Variants in AAAS observed in about 807,000 individuals in gnomAD.
AAAS encodes the protein aladin.
Under a neutral mutation model 75.6 loss-of-function variants are expected in AAAS, and 60 were observed. That is an observed-to-expected ratio of 0.79 (90% CI 0.64 to 0.98). The LOEUF (loss-of-function observed/expected upper bound fraction) is 0.98. Ranked by LOEUF, AAAS falls within the 50% of genes least tolerant of loss-of-function variation. The pLI, the probability that AAAS is intolerant of heterozygous loss-of-function variation, is 0.00. For missense variants in AAAS, 658 were observed against 686.9 expected (o/e 0.96, Z 0.47); for synonymous variants, 271 against 265.0 (o/e 1.02, Z -0.22).
rs376020885 is a variant in AAAS at position 53,315,657 on chromosome 12, G to T, written c.307+70C>A. The T allele has an allele frequency of 1.2e-4, 181 of 1,560,892 alleles. 1 individual carries two copies. In the African/African-American group the frequency reaches 1.9e-3, roughly 16 times the overall value. ...AAAGAGGCTGAGCCAACAGGTGTCG[G>T]GGGTGAGTTCAAGAATATGGAGAGG... On this transcript the variant is annotated intron_variant, in intron 3 of 15. Coordinates refer to ENST00000209873, the MANE Select transcript of AAAS (RefSeq NM_015665.6).
intron 7 of AAAS, 158 bp from the exon 8 acceptor site, chr12:53,309,879 G>T: frequency 1.8e-5 from 20 of 1,097,328 alleles, no homozygotes; most frequent in East Asian, 3.0e-5. Context: ...AAAGTTAAAA[G>T]AAAAAAACAG....
At chr12:53,317,290 G>A (rs1211621029) in intron 2 of AAAS, among the ~76,000 whole-genome samples, 1 of 152,056 alleles carries the variant, frequency 6.6e-6, no homozygotes, top group African/African-American at 2.4e-5. Context: ...AGGTGCGGTG[G>A]CTCACACCTG....
chr12:53,315,179 A>C (rs1225287687), intron 4 of AAAS, 39 bp from the exon 5 acceptor site: 1 of 1,612,624 alleles, frequency 6.2e-7, no homozygotes, highest in Admixed American at 1.7e-5. Context: ...ACTGGGGCAA[A>C]AGGAGTCCAT....
intron 2 of AAAS, among the ~76,000 whole-genome samples, chr12:53,319,435 C>A (rs1467799234): frequency 7.2e-5 from 11 of 152,180 alleles, no homozygotes; most frequent in African/African-American, 2.7e-4. Context: ...TAAGCTCAAG[C>A]AATCTGCTGG....
At position 53,315,319 on chromosome 12, in the gene AAAS, A is replaced by T. The variant is rs754755956; in HGVS notation, c.399+16T>A. 1 of 1,613,722 alleles carries T rather than the reference A, an allele frequency of 6.2e-7. No individual in the cohort carries two copies. Among genetic ancestry groups the T allele is most frequent in the South Asian group, 1.1e-5 (1 of 91,070 alleles). Reference sequence around the variant, plus strand: ...ACACAGCAAATGCAGAGGGCTGGGGAGGAAGCCAAACTTACAGACAGATGG... The same window carrying T: ...ACACAGCAAATGCAGAGGGCTGGGGTGGAAGCCAAACTTACAGACAGATGG... On this transcript the variant is annotated intron_variant, in intron 4 of 15. Coordinates refer to ENST00000209873, the MANE Select transcript of AAAS (RefSeq NM_015665.6).
chr12:53,316,601 A>G (rs1944466005), intron 2 of AAAS, among the ~76,000 whole-genome samples: 1 of 151,256 alleles, frequency 6.6e-6, no homozygotes, highest in African/African-American at 2.4e-5. Context: ...ACATGTTGAA[A>G]AATATGAAAA....
At chr12:53,321,178 C>T in intron 1 of AAAS, 165 bp downstream of exon 1, 1 of 1,092,864 alleles carries the variant, frequency 9.2e-7, no homozygotes, top group Non-Finnish European at 1.3e-6. Context: ...TACTCCAATC[C>T]CAGTCCTAAA....
chr12:53,317,417 T>G (rs1246577256), intron 2 of AAAS, among the ~76,000 whole-genome samples: 1 of 151,266 alleles, frequency 6.6e-6, no homozygotes, highest in Non-Finnish European at 1.5e-5. Context: ...ATTAGCCAGG[T>G]GTGGTGGTGG....
chr12:53,310,382 A>G (rs1338418084), intron 7 of AAAS, among the ~76,000 whole-genome samples: 3 of 152,028 alleles, frequency 2.0e-5, no homozygotes, highest in Non-Finnish European at 4.4e-5. Context: ...ACATGGTGAA[A>G]CCCCGTCTCT....
At chr12:53,320,744 T>C (rs1172345409) in intron 1 of AAAS, 52 bp from the exon 2 acceptor site, 6 of 1,605,410 alleles carry the variant, frequency 3.7e-6, no homozygotes, top group Non-Finnish European at 5.1e-6. Context: ...TTCCCAAATC[T>C]TTAATTCCGT....
intron 2 of AAAS, among the ~76,000 whole-genome samples, chr12:53,319,813 AAAAAAAAAAAAAG>A (rs1291105509): frequency 6.7e-5 from 9 of 133,766 alleles, no homozygotes; most frequent in East Asian, 2.2e-4. Flanking sequence ...AAAAAAAAAA[AAAAAAAAAAAAAG>A]AAAAAGAAAA....
At chr12:53,310,818 A>C (rs973572657) in intron 7 of AAAS, among the ~76,000 whole-genome samples, 94 of 152,270 alleles carry the variant, frequency 6.2e-4, no homozygotes, top group African/African-American at 2.2e-3. Flanking sequence ...CTGCCTTTGC[A>C]GGTGGGTTCA....
chr12:53,320,699 C>A lies in AAAS; in HGVS notation c.124-7G>T. The A allele has an allele frequency of 6.2e-7, 1 of 1,613,988 alleles. No homozygotes were observed. Among genetic ancestry groups the A allele is most frequent in the Non-Finnish European group, 8.5e-7 (1 of 1,179,922 alleles). On this transcript the variant is annotated splice_polypyrimidine_tract_variant and splice_region_variant and intron_variant, in intron 1 of 15. Coordinates refer to ENST00000209873, the MANE Select transcript of AAAS (RefSeq NM_015665.6). ...GGACAGGAAGATTGATCCACTATAG[C>A]ACAAAAGTGAGGAGTGTGACGGTGA...
intron 2 of AAAS, among the ~76,000 whole-genome samples, chr12:53,319,353 C>A (rs1419201765): frequency 6.6e-6 from 1 of 152,108 alleles, no homozygotes; most frequent in Non-Finnish European, 1.5e-5. Context: ...CCATACCCAG[C>A]TAATTTTTGT....
At chr12:53,318,241 T>TGTGTGTGTGC (rs903895069) in intron 2 of AAAS, among the ~76,000 whole-genome samples, 27 of 131,468 alleles carry the variant, frequency 2.1e-4, no homozygotes, top group Admixed American at 3.9e-4. Flanking sequence ...TGTGTGTGTG[T>TGTGTGTGTGC]GTGCGTGTGT....
rs777918319 is a variant in AAAS at position 53,321,414 on chromosome 12, G to A, written c.52C>T (p.Leu18=). ...ACCAGCTCGTTATTGTGCTCATATAGGGTGACTTGACCCCGAGGCGGTGGA... is the reference window on the plus strand; with the variant it reads ...ACCAGCTCGTTATTGTGCTCATATAAGGTGACTTGACCCCGAGGCGGTGGA... The part of the protein sequence containing the change: ...PPPPPRGQVT[L]YEHNNELVTG... The change falls in exon 1 of 16, where the codon CTA becomes TTA. Residue 18 remains leucine, a synonymous_variant. Coordinates refer to ENST00000209873, the MANE Select transcript of AAAS (RefSeq NM_015665.6). The A allele has an allele frequency of 6.2e-7, 1 of 1,614,116 alleles. No individual in the cohort carries two copies. Among genetic ancestry groups the A allele is most frequent in the Non-Finnish European group, 8.5e-7 (1 of 1,180,040 alleles).
rs1944547793 is a variant in AAAS at position 53,321,156 on chromosome 12, G to T, written c.123+187C>A. ...AGGCCTCCTCCACAGCTCCTTAACC[G>T]TTCCCCCGTTATACTCCAATCCCAG... On this transcript the variant is annotated intron_variant, in intron 1 of 15. Coordinates refer to ENST00000209873, the MANE Select transcript of AAAS (RefSeq NM_015665.6). 3.7e-5 allele frequency: 32 copies of T among 861,920 alleles called. No homozygotes were observed. In the South Asian group the frequency reaches 4.9e-4, roughly 13 times the overall value. 53.4% of individuals were successfully genotyped at this position (861,920 alleles called of 1,614,324 possible). A position where few individuals can be genotyped will look rare whatever the true frequency, so the allele number is the denominator to read the frequency against.
intron 1 of AAAS, 114 bp downstream of exon 1, chr12:53,321,229 G>A (rs1944549101): frequency 6.6e-7 from 1 of 1,512,130 alleles, no homozygotes; most frequent in African/African-American, 1.4e-5. Flanking sequence ...GGGCCAAGCT[G>A]TTTCCACTCC....
chr12:53,312,435 C>T (rs768602287), intron 7 of AAAS, among the ~76,000 whole-genome samples: 2 of 151,020 alleles, frequency 1.3e-5, no homozygotes, highest in African/African-American at 2.4e-5. Context: ...TTAGCTAGTG[C>T]GTGCCTGTAG....
Sources: allele counts gnomAD v4.1 joint callset (sites outside exome capture counted in the v4.1 genomes callset), GRCh38; gene constraint gnomAD v4.1.1; transcripts MANE v1.5; gene names NCBI Gene and HGNC (gene_info 2026-07-23, HGNC 2026-07-21).